CEP63: variants seen among roughly 807,000 people sequenced by gnomAD.
CEP63 encodes the protein centrosomal protein 63, also known as centrosomal protein of 63 kDa.
In CEP63, 84 loss-of-function variants were observed where a neutral mutation model predicts 89.1. The observed-to-expected ratio is 0.94, with a 90% CI of 0.79 to 1.13. CEP63 has a LOEUF of 1.13. Among genes scored for constraint, CEP63 ranks in the 50% most tolerant of loss-of-function variants. The pLI, the probability that CEP63 is intolerant of heterozygous loss-of-function variation, is 0.00. For missense variants in CEP63, 838 were observed against 813.3 expected (o/e 1.03, Z -0.37); for synonymous variants, 267 against 272.5 (o/e 0.98, Z 0.20).
the CEP63 span, among the ~76,000 whole-genome samples, chr3:134,740,390 C>G: frequency 2.0e-5 from 3 of 151,866 alleles, no homozygotes; most frequent in African/African-American, 7.3e-5. Context: ...CTCCGCTTCC[C>G]GGGTTCACAC....
At chr3:134,653,643 T>TTGGAA in the CEP63 span, among the ~76,000 whole-genome samples, 1 of 152,178 alleles carries the variant, frequency 6.6e-6, no homozygotes, top group African/African-American at 2.4e-5. Context: ...CTGAAGGCAT[T>TTGGAA]TGGATGTATC....
At chr3:134,521,407 A>T (rs538761016) in intron 3 of CEP63, among the ~76,000 whole-genome samples, 80 of 150,074 alleles carry the variant, frequency 5.3e-4, no homozygotes, top group African/African-American at 1.9e-3. Flanking sequence ...TAGAAGATAC[A>T]CATTTTGTGT....
the CEP63 span, among the ~76,000 whole-genome samples, chr3:134,659,201 C>T: frequency 1.3e-5 from 2 of 152,178 alleles, no homozygotes; most frequent in Non-Finnish European, 2.9e-5. Flanking sequence ...AGAGAGGTAT[C>T]CAGTGGCACA....
chr3:134,635,143 A>T, the CEP63 span, among the ~76,000 whole-genome samples: 169 of 152,370 alleles, frequency 1.1e-3, 1 homozygote, highest in African/African-American at 3.9e-3. Context: ...TGAACTGGAA[A>T]CAACTTAAAC....
At chr3:134,780,437 C>T in the CEP63 span, 1 of 152,198 alleles carries the variant, frequency 6.6e-6, no homozygotes, top group African/African-American at 2.4e-5. Flanking sequence ...CTGGTAACCA[C>T]TAATCTATTT....
chr3:134,708,478 A>G, the CEP63 span, among the ~76,000 whole-genome samples: 1 of 152,212 alleles, frequency 6.6e-6, no homozygotes, highest in South Asian at 2.1e-4. Flanking sequence ...CCAGGCTTGG[A>G]GTGGCCCTCA....
the CEP63 span, among the ~76,000 whole-genome samples, chr3:134,626,441 A>T: frequency 6.6e-6 from 1 of 152,178 alleles, no homozygotes; most frequent in African/African-American, 2.4e-5. Flanking sequence ...GGAGCATATC[A>T]TGTTGTGATG....
At chr3:134,707,139 T>C in the CEP63 span, among the ~76,000 whole-genome samples, 1 of 152,220 alleles carries the variant, frequency 6.6e-6, no homozygotes, top group African/African-American at 2.4e-5. Flanking sequence ...ACAAAACTTA[T>C]TGAATGCTCA....
chr3:134,533,489 C>G (rs1307996171), intron 5 of CEP63, among the ~76,000 whole-genome samples: 1 of 152,188 alleles, frequency 6.6e-6, no homozygotes, highest in Non-Finnish European at 1.5e-5. Flanking sequence ...TCACTTCCTT[C>G]TCTGCTGACT....
the CEP63 span, among the ~76,000 whole-genome samples, chr3:134,616,215 G>T: frequency 6.6e-6 from 1 of 152,198 alleles, no homozygotes; most frequent in Non-Finnish European, 1.5e-5. Flanking sequence ...ACAAGCTATA[G>T]CATTAACCAA....
chr3:134,601,811 A>G, the CEP63 span, among the ~76,000 whole-genome samples: 1 of 152,018 alleles, frequency 6.6e-6, no homozygotes, highest in Non-Finnish European at 1.5e-5. Flanking sequence ...GGCAGTGGGG[A>G]CTTTTAGGGG....
the CEP63 span, among the ~76,000 whole-genome samples, chr3:134,734,938 T>A: frequency 1.5e-4 from 23 of 152,196 alleles, no homozygotes; most frequent in African/African-American, 5.5e-4. Context: ...TTTTCCCGTA[T>A]AACACTTAGC....
chr3:134,689,601 G>A, the CEP63 span, among the ~76,000 whole-genome samples: 984 of 152,064 alleles, frequency 6.5e-3, 1 homozygote, highest in Non-Finnish European at 9.7e-3. Context: ...ACAGGAGCCT[G>A]CCACCACGCT....
chr3:134,736,508 C>T, the CEP63 span, among the ~76,000 whole-genome samples: 20 of 152,108 alleles, frequency 1.3e-4, no homozygotes, highest in South Asian at 4.1e-3. Context: ...TCCTATTTAC[C>T]AGCAATGAAT....
chr3:134,551,888 C>T (rs1310190917), intron 11 of CEP63, 38 bp from the exon 12 acceptor site: 2 of 1,407,488 alleles, frequency 1.4e-6, no homozygotes, highest in South Asian at 2.4e-5. Flanking sequence ...ATGTGATTTA[C>T]ATGTTATATT....
At chr3:134,655,050 C>T in the CEP63 span, among the ~76,000 whole-genome samples, 6,527 of 152,306 alleles carry the variant, frequency 0.043, 207 homozygotes, top group Non-Finnish European at 0.065. Flanking sequence ...GAACAATGTA[C>T]TTAACCTCTC....
At chr3:134,782,194 A>T in the CEP63 span, among the ~76,000 whole-genome samples, 1 of 152,264 alleles carries the variant, frequency 6.6e-6, no homozygotes, top group Non-Finnish European at 1.5e-5. Flanking sequence ...CTCTAAAATT[A>T]GACAACTTTT....
rs201514782 is a variant in CEP63 at position 134,547,380 on chromosome 3, G to T, written c.975G>T (p.Gly325=). ...CAGAAAAGAAGTACACCTCTCAAGG[G>T]CAGGGGGACTTAGACAGTGTGCTCT... The part of the protein sequence containing the change: ...SLAEKKYTSQ[G]QGDLDSVLSQ... The change falls in exon 9 of 15, where the codon GGG becomes GGT. Residue 325 remains glycine, a synonymous_variant. Coordinates refer to ENST00000675561, the MANE Select transcript of CEP63 (RefSeq NM_001353108.3). 1.2e-6 allele frequency: 2 copies of T among 1,613,600 alleles called. No individual in the cohort carries two copies. Among genetic ancestry groups the T allele is most frequent in the East Asian group, 2.2e-5 (1 of 44,852 alleles).
intron 6 of CEP63, among the ~76,000 whole-genome samples, chr3:134,538,927 TA>T (rs1321294591): frequency 6.6e-6 from 1 of 152,180 alleles, no homozygotes; most frequent in African/African-American, 2.4e-5. Flanking sequence ...GATTTTTACT[TA>T]CTGTAATTCA....
Sources: gnomAD v4.1 joint callset for allele counts (sites outside exome capture counted in the v4.1 genomes callset) on GRCh38, gnomAD v4.1.1 for gene constraint, MANE v1.5 for transcripts, NCBI Gene and HGNC (gene_info 2026-07-23, HGNC 2026-07-21) for gene names.